Variants in NMNAT2 observed in about 807,000 individuals in gnomAD.
NMNAT2 encodes nicotinamide nucleotide adenylyltransferase 2.
NMNAT2 carries 11 observed loss-of-function variants against 41.6 expected under a neutral mutation model. That is an observed-to-expected ratio of 0.26 (90% CI 0.17 to 0.44). The LOEUF (loss-of-function observed/expected upper bound fraction) is 0.44. NMNAT2 is among the 20% of genes least tolerant of loss of function. The pLI is 1.00. For missense variants in NMNAT2, 288 were observed against 407.7 expected, an observed-to-expected ratio of 0.71 and a Z score of 2.53; for synonymous variants, 148 against 151.2, an observed-to-expected ratio of 0.98 and a Z score of 0.16.
rs6670435 is a variant in NMNAT2 at position 183,389,841 on chromosome 1, A to G, written c.85+28342T>C. On this transcript the variant is annotated intron_variant, in intron 1 of 10. Coordinates refer to ENST00000287713, the MANE Select transcript of NMNAT2 (RefSeq NM_015039.4). ...GAAAGAAAGAAAGAAAGAAAGAAAG[A>G]AAGGAAAAAAGAGAAAGAAAGAAAG... 4.4e-3 allele frequency among the ~76,000 whole-genome samples: 310 copies of G among 70,402 alleles called. 26 individuals carry two copies. Among genetic ancestry groups the G allele is most frequent in the African/African-American group, 0.014 (286 of 20,748 alleles). The allele number at this position is 70,402 out of a possible 152,430, so 46.2% of individuals were successfully genotyped here.
At chr1:183,253,148 T>C (rs1660434649) in intron 10 of NMNAT2, among the ~76,000 whole-genome samples, 1 of 151,396 alleles carries the variant, frequency 6.6e-6, no homozygotes, top group Non-Finnish European at 1.5e-5. Flanking sequence ...AATTGTATTG[T>C]GTATATTTAA....
At chr1:183,334,796 C>CA (rs1349681949) in intron 1 of NMNAT2, among the ~76,000 whole-genome samples, 2 of 151,652 alleles carry the variant, frequency 1.3e-5, no homozygotes, top group African/African-American at 2.4e-5. Flanking sequence ...AGGCATGAGC[C>CA]ACCGCACCTG....
At chr1:183,306,014 G>A (rs1218767840) in intron 1 of NMNAT2, among the ~76,000 whole-genome samples, 4 of 152,052 alleles carry the variant, frequency 2.6e-5, no homozygotes, top group African/African-American at 9.7e-5. Context: ...GAGCCACCGC[G>A]CCCGGCCCTT....
chr1:183,339,544 G>C (rs1662750598), intron 1 of NMNAT2, among the ~76,000 whole-genome samples: 1 of 152,148 alleles, frequency 6.6e-6, no homozygotes, highest in South Asian at 2.1e-4. Flanking sequence ...AAATCCCAGA[G>C]CTGAAGGTCC....
chr1:183,278,403 G>T, intron 8 of NMNAT2, 150 bp downstream of exon 8: 1 of 603,414 alleles, frequency 1.7e-6, no homozygotes, highest in Non-Finnish European at 3.1e-6. Flanking sequence ...ATAAAGCTTG[G>T]GGGTAGGTGA....
intron 1 of NMNAT2, among the ~76,000 whole-genome samples, chr1:183,394,462 T>G (rs1222842348): frequency 6.6e-6 from 1 of 152,220 alleles, no homozygotes; most frequent in Non-Finnish European, 1.5e-5. Context: ...ATTAATGACT[T>G]CTTTTCCAAC....
intron 1 of NMNAT2, among the ~76,000 whole-genome samples, chr1:183,401,457 A>G (rs568589567): frequency 9.2e-5 from 14 of 152,330 alleles, no homozygotes; most frequent in African/African-American, 3.4e-4. Flanking sequence ...AAACTTTTAC[A>G]CTGTTGGTGG....
intron 2 of NMNAT2, 23 bp from the exon 3 acceptor site, chr1:183,292,880 T>C (rs200611093): frequency 4.7e-4 from 758 of 1,612,082 alleles, no homozygotes; most frequent in Non-Finnish European, 5.9e-4. Flanking sequence ...AGAGCAATCA[T>C]TGGGAGACTC....
chr1:183,297,440 C>T (rs547125630), intron 1 of NMNAT2, among the ~76,000 whole-genome samples: 3 of 150,258 alleles, frequency 2.0e-5, no homozygotes, highest in East Asian at 2.0e-4. Context: ...TGGAGTGCAA[C>T]GGCGTGATCT....
chr1:183,286,941 TGGTCACTA>T (rs569615273), intron 4 of NMNAT2, among the ~76,000 whole-genome samples, 153 bp from the exon 5 acceptor site: 45 of 152,134 alleles, frequency 3.0e-4, no homozygotes, highest in African/African-American at 1.1e-3. Context: ...CTGCATCATG[TGGTCACTA>T]GGCTGGCAGG....
At chr1:183,315,699 C>T (rs941924273) in intron 1 of NMNAT2, among the ~76,000 whole-genome samples, 3 of 150,082 alleles carry the variant, frequency 2.0e-5, no homozygotes, top group Non-Finnish European at 4.4e-5. Flanking sequence ...GAGAATTGCT[C>T]GAACCTGGGA....
intron 1 of NMNAT2, among the ~76,000 whole-genome samples, chr1:183,393,319 G>A (rs1055973472): frequency 6.6e-6 from 1 of 152,072 alleles, no homozygotes; most frequent in Non-Finnish European, 1.5e-5. Flanking sequence ...AGGGCAGATG[G>A]TGCCAATCCC....
At chr1:183,403,817 G>T (rs1648883178) in intron 1 of NMNAT2, among the ~76,000 whole-genome samples, 1 of 152,216 alleles carries the variant, frequency 6.6e-6, no homozygotes, top group Non-Finnish European at 1.5e-5. Context: ...TGCAGCATAA[G>T]AGAAGGATTA....
At chr1:183,269,204 C>T (rs531361537) in intron 8 of NMNAT2, among the ~76,000 whole-genome samples, 1 of 152,132 alleles carries the variant, frequency 6.6e-6, no homozygotes, top group African/African-American at 2.4e-5. Flanking sequence ...GAAGAGGATT[C>T]CCAATGAGGC....
At chr1:183,397,144 C>T (rs1442656769) in intron 1 of NMNAT2, among the ~76,000 whole-genome samples, 8 of 152,140 alleles carry the variant, frequency 5.3e-5, no homozygotes, top group Non-Finnish European at 1.2e-4. Flanking sequence ...GTACTTTTTA[C>T]TTTGCAATAA....
At chr1:183,410,138 G>T (rs1571645249) in intron 1 of NMNAT2, among the ~76,000 whole-genome samples, 2 of 145,182 alleles carry the variant, frequency 1.4e-5, no homozygotes, top group East Asian at 4.1e-4. Flanking sequence ...GTGAAATCCT[G>T]TCTCTACAAA....
intron 1 of NMNAT2, among the ~76,000 whole-genome samples, chr1:183,393,968 A>G (rs1036175977): frequency 7.9e-5 from 12 of 152,220 alleles, no homozygotes; most frequent in African/African-American, 2.9e-4. Flanking sequence ...TTATGCTCTC[A>G]TGGACTTTAT....
intron 1 of NMNAT2, among the ~76,000 whole-genome samples, chr1:183,391,536 A>C (rs982830880): frequency 1.3e-5 from 2 of 152,060 alleles, no homozygotes; most frequent in Admixed American, 6.6e-5. Context: ...CATCTTAAAA[A>C]AAAATAAGCA....
At chr1:183,406,137 A>G (rs1648948391) in intron 1 of NMNAT2, among the ~76,000 whole-genome samples, 1 of 152,236 alleles carries the variant, frequency 6.6e-6, no homozygotes, top group South Asian at 2.1e-4. Context: ...AAGTTCAATG[A>G]TAGATAAGAC....
Sources: allele counts gnomAD v4.1 joint callset (sites outside exome capture counted in the v4.1 genomes callset), GRCh38; gene constraint gnomAD v4.1.1; transcripts MANE v1.5; gene names NCBI Gene and HGNC (gene_info 2026-07-23, HGNC 2026-07-21).